Variants in ATP2A2 observed in about 807,000 individuals in gnomAD.
The protein encoded by ATP2A2 is ATPase sarcoplasmic/endoplasmic reticulum Ca2+ transporting 2, also known as sarcoplasmic/endoplasmic reticulum calcium ATPase 2.
A neutral mutation model predicts 109.3 loss-of-function variants in ATP2A2; 14 were observed. The observed-to-expected ratio is 0.13, with a 90% CI of 0.08 to 0.20. The LOEUF is 0.20. Ranked by LOEUF, ATP2A2 falls within the 10% of genes least tolerant of loss-of-function variation. The pLI is 1.00. For synonymous variants in ATP2A2, 506 were observed against 490.9 expected, an observed-to-expected ratio of 1.03 and a Z score of -0.41; for missense variants, 657 against 1,321.6, an observed-to-expected ratio of 0.50 and a Z score of 7.80.
intron 3 of ATP2A2, 103 bp from the exon 4 acceptor site, chr12:110,291,917 G>T: frequency 9.6e-7 from 1 of 1,038,838 alleles, no homozygotes. Context: ...AAAGTGCTGG[G>T]ATTACAGGCC....
chr12:110,334,240 A>T, intron 11 of ATP2A2, 97 bp downstream of exon 11: 1 of 1,430,668 alleles, frequency 7.0e-7, no homozygotes, highest in Non-Finnish European at 9.8e-7. Flanking sequence ...AAAACTAATT[A>T]TACCTTATCT....
chr12:110,334,968 C>T (rs1208270606), intron 11 of ATP2A2, among the ~76,000 whole-genome samples: 2 of 152,144 alleles, frequency 1.3e-5, no homozygotes, highest in Non-Finnish European at 1.5e-5. Context: ...GTGGCAGTGG[C>T]AGTGGCAGTG....
In ATP2A2 at chr12:110,346,129, G is replaced by T. The variant is rs914920127; in HGVS notation, c.2859+11G>T. On this transcript the variant is annotated intron_variant, in intron 19 of 19. Transcript: ENST00000539276. ...GTCGAACCCTTGCCAGTAAGTGGTT[G>T]GGTGGGGCTTGGGACCAGCCACCTC... 4 of 1,614,188 alleles carry T rather than the reference G, an allele frequency of 2.5e-6. No individual in the cohort carries two copies. The highest frequency in any genetic ancestry group is 3.4e-6 in the Non-Finnish European group (4 of 1,180,036).
At chr12:110,317,207 A>G (rs976739585) in intron 5 of ATP2A2, among the ~76,000 whole-genome samples, 1 of 152,176 alleles carries the variant, frequency 6.6e-6, no homozygotes, top group Admixed American at 6.5e-5. Flanking sequence ...TTTAAGATAA[A>G]TCTGTTATGC....
chr12:110,316,505 T>C (rs1876683349), intron 5 of ATP2A2, among the ~76,000 whole-genome samples: 1 of 152,236 alleles, frequency 6.6e-6, no homozygotes, highest in African/African-American at 2.4e-5. Flanking sequence ...TTAGAAGTCT[T>C]TTGCTACATG....
chr12:110,325,163 T>C (rs995776359), intron 6 of ATP2A2, among the ~76,000 whole-genome samples: 1 of 151,966 alleles, frequency 6.6e-6, no homozygotes, highest in Admixed American at 6.6e-5. Flanking sequence ...TTCATAGAGG[T>C]TCTCGAATAT....
At chr12:110,305,547 AT>A (rs373046088) in intron 5 of ATP2A2, among the ~76,000 whole-genome samples, 186 of 152,358 alleles carry the variant, frequency 1.2e-3, no homozygotes, top group African/African-American at 4.4e-3. Context: ...TTTGTGAAAA[AT>A]TAATTTACAA....
At chr12:110,291,545 A>G (rs1416128961) in intron 3 of ATP2A2, among the ~76,000 whole-genome samples, 1 of 151,954 alleles carries the variant, frequency 6.6e-6, no homozygotes, top group African/African-American at 2.4e-5. Flanking sequence ...TATGAACAAG[A>G]CATAGCCAGT....
At chr12:110,288,850 G>C (rs980502648) in intron 3 of ATP2A2, among the ~76,000 whole-genome samples, 2 of 152,108 alleles carry the variant, frequency 1.3e-5, no homozygotes, top group African/African-American at 4.8e-5. Context: ...ACTGCAGTAA[G>C]GGATCTTGCG....
chr12:110,305,888 T>C (rs1445441458), intron 5 of ATP2A2, among the ~76,000 whole-genome samples: 1 of 152,004 alleles, frequency 6.6e-6, no homozygotes, highest in Non-Finnish European at 1.5e-5. Flanking sequence ...TTTTGTTTTT[T>C]TTTTTTAAGG....
In ATP2A2 at chr12:110,350,699, G is replaced by T. The variant is rs1880315306; in HGVS notation, c.*4229G>T. On this transcript the variant is annotated 3_prime_UTR_variant, in exon 20 of 20. Transcript: ENST00000539276. ...TTGTAATGCATGCCTTCGGTTGTAA[G>T]TAGCCAGATCCCTCTCCAGTGACAT... 3.8e-6 allele frequency: 1 copy of T among 264,168 alleles called. No individual in the cohort carries two copies. The highest frequency in any genetic ancestry group is 5.0e-5 in the Admixed American group (1 of 20,096). 16.4% of individuals were successfully genotyped at this position (264,168 alleles called of 1,614,324 possible). A position where few individuals can be genotyped will look rare whatever the true frequency, so the allele number is the denominator to read the frequency against.
chr12:110,305,286 C>G (rs903575878), intron 5 of ATP2A2, among the ~76,000 whole-genome samples: 1 of 152,126 alleles, frequency 6.6e-6, no homozygotes, highest in Non-Finnish European at 1.5e-5. Context: ...GGCCTGTAGT[C>G]TCACTACTCA....
chr12:110,316,477 T>C (rs1876679850), intron 5 of ATP2A2, among the ~76,000 whole-genome samples: 1 of 152,388 alleles, frequency 6.6e-6, no homozygotes, highest in South Asian at 2.1e-4. Flanking sequence ...AGCTTCGTGA[T>C]GTTCTTCAAC....
chr12:110,281,944 G>A, intron 1 of ATP2A2, 37 bp downstream of exon 1: 3 of 1,511,126 alleles, frequency 2.0e-6, no homozygotes, highest in South Asian at 1.2e-5. Context: ...GGCCCGGCGC[G>A]GCCGGGAGAG....
chr12:110,349,297 A>G lies in ATP2A2; in HGVS notation c.*2827A>G, dbSNP rs1880178293. 1.0e-6 allele frequency: 1 copy of G among 985,388 alleles called. No homozygotes were observed. The highest frequency in any genetic ancestry group is 1.1e-4 in the East Asian group (1 of 8,816). The allele number at this position is 985,388 out of a possible 1,614,324, so 61.0% of individuals were successfully genotyped here. A position where few individuals can be genotyped will look rare whatever the true frequency, so the allele number is the denominator to read the frequency against. The stretch of plus-strand genomic sequence containing the variant: ...CCTAACAGTGAGGCAGCAGCTGCCC[A>G]GCCCCGCAATGTGCCTGCTGTCAGG... On this transcript the variant is annotated 3_prime_UTR_variant, in exon 20 of 20. Transcript: ENST00000539276.
At chr12:110,325,700 G>A (rs1474102590) in intron 6 of ATP2A2, 1 of 153,196 alleles carries the variant, frequency 6.5e-6, no homozygotes, top group African/African-American at 2.4e-5. Flanking sequence ...CTACTCCAGA[G>A]CATAGCCAGA....
intron 6 of ATP2A2, among the ~76,000 whole-genome samples, chr12:110,323,612 C>T (rs922455954): frequency 6.6e-6 from 1 of 152,044 alleles, no homozygotes; most frequent in Non-Finnish European, 1.5e-5. Context: ...GAGTTAAAGA[C>T]GGGCCTGGGC....
intron 5 of ATP2A2, among the ~76,000 whole-genome samples, chr12:110,310,647 G>A (rs558409747): frequency 6.6e-6 from 1 of 152,124 alleles, no homozygotes; most frequent in Non-Finnish European, 1.5e-5. Context: ...AGTAGTGGAA[G>A]CAACACAATC....
intron 5 of ATP2A2, among the ~76,000 whole-genome samples, chr12:110,307,029 G>C (rs1336321148): frequency 2.6e-5 from 4 of 151,910 alleles, no homozygotes; most frequent in South Asian, 2.1e-4. Flanking sequence ...AAAGTGCTGA[G>C]ATTACAGGTG....
Sources: gnomAD v4.1 joint callset for allele counts (sites outside exome capture counted in the v4.1 genomes callset) on GRCh38, gnomAD v4.1.1 for gene constraint, MANE v1.5 for transcripts, NCBI Gene and HGNC (gene_info 2026-07-23, HGNC 2026-07-21) for gene names.